The following KIF16B variants were observed in gnomAD, a reference collection of about 807,000 sequenced individuals.
The protein encoded by KIF16B is kinesin-like protein KIF16B.
A neutral mutation model predicts 156.3 loss-of-function variants in KIF16B; 98 were observed. The ratio of observed to expected loss-of-function variants is 0.63; its 90% CI spans 0.53 to 0.74. The LOEUF is 0.74. Among genes scored for constraint, KIF16B ranks in the 30% least tolerant of loss-of-function variants. KIF16B has a pLI of 0.00. For synonymous variants in KIF16B, 564 were observed against 583.7 expected (o/e 0.97, Z 0.49); for missense variants, 1,421 against 1,606.5 (o/e 0.88, Z 1.97).
intron 12 of KIF16B, among the ~76,000 whole-genome samples, chr20:16,472,553 T>TAAAAAAAAAAAAAA: frequency 8.8e-6 from 1 of 113,562 alleles, no homozygotes; most frequent in Non-Finnish European, 1.8e-5. Flanking sequence ...CATCTGAAAT[T>TAAAAAAAAAAAAAA]AAAAAAAAAA....
intron 17 of KIF16B, among the ~76,000 whole-genome samples, chr20:16,389,098 TTA>T (rs1379069876): frequency 6.6e-6 from 1 of 152,140 alleles, no homozygotes; most frequent in East Asian, 1.9e-4. Context: ...TATTACTCTA[TTA>T]TCTCAGTGGG....
rs781678443 is a variant in KIF16B at position 16,295,941 on chromosome 20, C to T, written c.3795+16394G>A. On this transcript the variant is annotated intron_variant, in intron 25 of 25. Transcript: ENST00000354981. ...AAGGTAGTCAATGTTTTTTCTACCA[C>T]CAGTCAGAGCATCTTGAGTACGGCT... Among the ~76,000 whole-genome samples the T allele has an allele frequency of 2.0e-5, 3 of 152,146 alleles. No individual in the cohort carries two copies. The South Asian group carries it at 6.2e-4, about 31-fold the overall frequency.
chr20:16,512,097 A>C (rs1447785156), intron 5 of KIF16B, among the ~76,000 whole-genome samples: 3 of 152,138 alleles, frequency 2.0e-5, no homozygotes, highest in Middle Eastern at 3.2e-3. Flanking sequence ...CAATGAGCCA[A>C]GAGTGTGCCA....
intron 12 of KIF16B, among the ~76,000 whole-genome samples, chr20:16,456,707 C>T (rs1039244626): frequency 5.9e-5 from 9 of 152,166 alleles, no homozygotes; most frequent in African/African-American, 2.2e-4. Flanking sequence ...ACGCTATGCT[C>T]TACTACTCAG....
chr20:16,352,300 G>A (rs118084030), intron 23 of KIF16B, among the ~76,000 whole-genome samples: 4 of 152,278 alleles, frequency 2.6e-5, no homozygotes, highest in Non-Finnish European at 4.4e-5. Context: ...AAAACTAAAT[G>A]AGATCAAACA....
chr20:16,286,272 T>C (rs1003053081), intron 25 of KIF16B, among the ~76,000 whole-genome samples: 2 of 152,184 alleles, frequency 1.3e-5, no homozygotes, highest in Non-Finnish European at 2.9e-5. Flanking sequence ...ATTCCTAAAA[T>C]GGAATTGCTG....
chr20:16,432,245 C>A (rs902275197), intron 12 of KIF16B, among the ~76,000 whole-genome samples: 1 of 152,010 alleles, frequency 6.6e-6, no homozygotes, highest in Admixed American at 6.6e-5. Flanking sequence ...TGGGCTGAAC[C>A]AGGTTCAGAC....
chr20:16,347,750 T>C (rs1040606340), intron 23 of KIF16B, among the ~76,000 whole-genome samples: 2 of 152,228 alleles, frequency 1.3e-5, no homozygotes, highest in African/African-American at 2.4e-5. Context: ...TAGGTGGACA[T>C]GGCATAAGCA....
intron 25 of KIF16B, among the ~76,000 whole-genome samples, chr20:16,307,458 C>T (rs755864512): frequency 1.1e-4 from 17 of 152,088 alleles, no homozygotes; most frequent in Non-Finnish European, 2.5e-4. Context: ...TCAATTCTGC[C>T]AACTTCAAGT....
At chr20:16,556,055 C>G (rs772153664) in intron 1 of KIF16B, among the ~76,000 whole-genome samples, 5 of 152,204 alleles carry the variant, frequency 3.3e-5, no homozygotes, top group Admixed American at 6.5e-5. Flanking sequence ...CCATCCTCCC[C>G]CTTCCAACAC....
intron 12 of KIF16B, among the ~76,000 whole-genome samples, chr20:16,480,977 CT>C (rs1600507673): frequency 6.6e-6 from 1 of 152,124 alleles, no homozygotes; most frequent in African/African-American, 2.4e-5. Flanking sequence ...TTCTATGAAC[CT>C]ACAACCATGC....
chr20:16,422,190 T>G (rs1265794078), intron 15 of KIF16B, among the ~76,000 whole-genome samples: 3 of 152,124 alleles, frequency 2.0e-5, no homozygotes, highest in African/African-American at 7.2e-5. Flanking sequence ...ATAAACAATT[T>G]CTTCTAACTA....
intron 13 of KIF16B, 22 bp downstream of exon 13, chr20:16,429,841 G>A (rs1467721360): frequency 2.5e-6 from 4 of 1,594,416 alleles, no homozygotes; most frequent in Non-Finnish European, 3.4e-6. Flanking sequence ...AAATTAGAAT[G>A]TTCCACTTAA....
At chr20:16,285,345 A>C (rs1483295623) in intron 25 of KIF16B, among the ~76,000 whole-genome samples, 1 of 152,228 alleles carries the variant, frequency 6.6e-6, no homozygotes, top group Non-Finnish European at 1.5e-5. Context: ...TTATGAGTTG[A>C]AAGGGAACTT....
chr20:16,533,660 A>T (rs2069841084), intron 1 of KIF16B, among the ~76,000 whole-genome samples: 1 of 152,210 alleles, frequency 6.6e-6, no homozygotes, highest in African/African-American at 2.4e-5. Context: ...TCTGACCAAG[A>T]GCAATAACTG....
At chr20:16,359,233 C>T (rs1219623585) in intron 22 of KIF16B, among the ~76,000 whole-genome samples, 3 of 152,104 alleles carry the variant, frequency 2.0e-5, no homozygotes, top group East Asian at 1.9e-4. Context: ...AGGTAGGCCC[C>T]GTGGGAGGTG....
chr20:16,376,897 A>AT (rs1216818037), intron 19 of KIF16B, among the ~76,000 whole-genome samples: 8 of 152,088 alleles, frequency 5.3e-5, no homozygotes, highest in Admixed American at 3.3e-4. Flanking sequence ...ACCTGCAATC[A>AT]TTTTTTTAAA....
At chr20:16,400,955 A>C (rs1568937571) in intron 17 of KIF16B, among the ~76,000 whole-genome samples, 2 of 152,240 alleles carry the variant, frequency 1.3e-5, no homozygotes. Context: ...CTGTACACTT[A>C]AAAGTCATTA....
intron 1 of KIF16B, 34 bp downstream of exon 1, chr20:16,573,195 G>A (rs2071520134): frequency 1.3e-6 from 2 of 1,550,962 alleles, no homozygotes; most frequent in Non-Finnish European, 1.7e-6. Flanking sequence ...GTGGGGGCGC[G>A]ACGAGGGGGC....
Sources: gnomAD v4.1 joint callset for allele counts (sites outside exome capture counted in the v4.1 genomes callset) on GRCh38, gnomAD v4.1.1 for gene constraint, MANE v1.5 for transcripts, NCBI Gene and HGNC (gene_info 2026-07-23, HGNC 2026-07-21) for gene names.